Variants in ODR4 observed in about 807,000 individuals in gnomAD.
The protein encoded by ODR4 is protein odr-4 homolog.
A neutral mutation model predicts 60.2 loss-of-function variants in ODR4; 47 were observed. The observed-to-expected ratio is 0.78, with a 90% confidence interval of 0.62 to 1.00. The LOEUF (loss-of-function observed/expected upper bound fraction) is 1.00. Ranked by LOEUF, ODR4 falls within the 50% of genes least tolerant of loss-of-function variation. The probability of loss-of-function intolerance (pLI) is 0.00; values close to 1 mark genes in which losing one functional copy is unlikely to be tolerated. For synonymous variants in ODR4, 178 were observed against 175.5 expected, an observed-to-expected ratio of 1.01 and a Z score of -0.11; for missense variants, 488 against 530.8, an observed-to-expected ratio of 0.92 and a Z score of 0.79.
At chr1:186,399,804 A>G (rs1164114331) in intron 11 of ODR4, among the ~76,000 whole-genome samples, 5 of 152,022 alleles carry the variant, frequency 3.3e-5, no homozygotes, top group African/African-American at 1.2e-4. Context: ...AACAGACTTC[A>G]TTACGTTTAA....
In ODR4 at chr1:186,383,142, G is replaced by T. The variant is rs770734809; in HGVS notation, c.220G>T (p.Glu74Ter). 6.5e-7 allele frequency: 1 copy of T among 1,549,684 alleles called. No individual in the cohort carries two copies. The highest frequency in any genetic ancestry group is 1.2e-5 in the South Asian group (1 of 83,106). Reference sequence around the variant, plus strand: ...TAACTTGGATGAAGAATGGGCCACAGAACATGCCTGCCAGGTTATCTTATT... The same window carrying T: ...TAACTTGGATGAAGAATGGGCCACATAACATGCCTGCCAGGTTATCTTATT... ...LDNLDEEWAT[E>*]HACQVSRMLP... The change falls in exon 3 of 14, where the codon GAA becomes TAA. Residue 74 changes from glutamate to a stop codon, truncating the protein, a stop_gained. Transcript: ENST00000287859. LOFTEE classifies it high-confidence loss of function.
chr1:186,383,278 A>G, intron 3 of ODR4, 122 bp downstream of exon 3: 1 of 1,112,550 alleles, frequency 9.0e-7, no homozygotes, highest in Non-Finnish European at 1.2e-6. Flanking sequence ...GATGACTGAG[A>G]TTTTTAGTCT....
intron 11 of ODR4, chr1:186,399,314 T>A: frequency 2.3e-6 from 1 of 429,904 alleles, no homozygotes; most frequent in Non-Finnish European, 4.3e-6. Flanking sequence ...CAAGCAGTCC[T>A]CCTACCTCAG....
chr1:186,381,940 A>T (rs933058152), intron 2 of ODR4, among the ~76,000 whole-genome samples: 1 of 152,200 alleles, frequency 6.6e-6, no homozygotes, highest in African/African-American at 2.4e-5. Context: ...GATACTAATG[A>T]TCAGAGTTTC....
chr1:186,389,963 GT>G (rs1660399840), intron 6 of ODR4, among the ~76,000 whole-genome samples: 1 of 151,780 alleles, frequency 6.6e-6, no homozygotes, highest in African/African-American at 2.4e-5. Flanking sequence ...AATTATTTTT[GT>G]TTTTTGTTTT....
chr1:186,394,595 C>T (rs1360947311), intron 9 of ODR4, among the ~76,000 whole-genome samples: 11 of 152,036 alleles, frequency 7.2e-5, no homozygotes, highest in Admixed American at 7.2e-4. Flanking sequence ...TGAAATTATC[C>T]TAAAGAACAG....
chr1:186,391,749 T>G lies in ODR4; in HGVS notation c.669T>G (p.Asn223Lys). 1 of 1,605,132 alleles carries G rather than the reference T, an allele frequency of 6.2e-7. No homozygotes were observed. The highest frequency in any genetic ancestry group is 1.1e-5 in the South Asian group (1 of 88,924). The change falls in exon 8 of 14, where the codon AAT becomes AAG. Residue 223 changes from asparagine (N) to lysine (K), a missense_variant. By Grantham distance (94) the Asn-to-Lys change is moderately conservative. Coordinates refer to ENST00000287859, the MANE Select transcript of ODR4 (RefSeq NM_017847.6). ...TAGAAAATGGTGTTTATTTGATTAA[T>G]GGACAAGTTAAAGATGAAGATTGTG... The part of the protein sequence containing the change: ...KEIENGVYLI[N>K]GQVKDEDCDL...
intron 9 of ODR4, among the ~76,000 whole-genome samples, chr1:186,394,685 C>T (rs1660604536): frequency 6.6e-6 from 1 of 152,148 alleles, no homozygotes; most frequent in Admixed American, 6.5e-5. Context: ...CAGAAATACT[C>T]TCAGGACTTG....
intron 3 of ODR4, among the ~76,000 whole-genome samples, chr1:186,385,433 CACCAAAGCCCTGTCGGAGTTCAGA>C (rs1338839681): frequency 1.5e-4 from 23 of 151,322 alleles, no homozygotes; most frequent in Admixed American, 1.1e-3. Flanking sequence ...GGGAAAACTA[CACCAAAGCCCTGTCGGAGTTCAGA>C]GATGAAAAGA....
At chr1:186,424,934 AT>A (rs1243251161), downstream of ODR4, among the ~76,000 whole-genome samples, 1 of 150,890 alleles carries the variant, frequency 6.6e-6, no homozygotes, top group African/African-American at 2.4e-5. Flanking sequence ...ACCACATTGT[AT>A]TGGTCAAAGT....
intron 11 of ODR4, among the ~76,000 whole-genome samples, chr1:186,402,123 C>T (rs1660981807): frequency 6.6e-6 from 1 of 152,014 alleles, no homozygotes; most frequent in African/African-American, 2.4e-5. Flanking sequence ...GACAAGTTCT[C>T]TGGTTCTGTG....
intron 11 of ODR4, among the ~76,000 whole-genome samples, chr1:186,402,224 T>TTCTTTCTTTCTTTCTTTC (rs1337769035): frequency 1.3e-5 from 2 of 150,194 alleles, no homozygotes; most frequent in Admixed American, 1.3e-4. Context: ...CTTTCTTTCT[T>TTCTTTCTTTCTTTCTTTC]TCTTTCTTTC....
intron 12 of ODR4, among the ~76,000 whole-genome samples, chr1:186,406,620 A>C (rs1419416491): frequency 6.6e-6 from 1 of 152,178 alleles, no homozygotes; most frequent in Non-Finnish European, 1.5e-5. Context: ...TTACTTGGTA[A>C]AGCATCATGT....
chr1:186,384,551 GTC>G (rs1181189634), intron 3 of ODR4, among the ~76,000 whole-genome samples: 1 of 143,268 alleles, frequency 7.0e-6, no homozygotes, highest in African/African-American at 2.8e-5. Context: ...TTTGCTTTTG[GTC>G]TCTCATAAAA....
chr1:186,413,017 G>A (rs1160486454), intron 12 of ODR4, among the ~76,000 whole-genome samples: 4 of 151,970 alleles, frequency 2.6e-5, no homozygotes, highest in Non-Finnish European at 4.4e-5. Context: ...GAGCTCAAAT[G>A]TTCAAATTCA....
chr1:186,407,399 A>T (rs950520675), intron 12 of ODR4, among the ~76,000 whole-genome samples: 2 of 152,134 alleles, frequency 1.3e-5, no homozygotes, highest in Non-Finnish European at 2.9e-5. Context: ...TCTGCCAACG[A>T]AACTTAGGAT....
In ODR4 at chr1:186,398,256, A is replaced by G. The variant is rs912359352; in HGVS notation, c.781-57A>G. The G allele has an allele frequency of 4.4e-5, 63 of 1,433,508 alleles. No individual in the cohort carries two copies. The African/African-American group carries it at 9.0e-4, about 20-fold the overall frequency. The allele number at this position is 1,433,508 out of a possible 1,614,324, so 88.8% of individuals were successfully genotyped here. ...AAAATCGCTAATATAATGTTTAAAT[A>G]TTTCCTGTAGTTAATCATTGTTGGT... is the stretch of plus-strand genomic sequence containing the variant. On this transcript the variant is annotated intron_variant, in intron 9 of 13. Transcript: ENST00000287859.
intron 4 of ODR4, 41 bp from the exon 5 acceptor site, chr1:186,388,401 T>G (rs1558066475): frequency 8.4e-7 from 1 of 1,193,768 alleles, no homozygotes; most frequent in Non-Finnish European, 1.2e-6. Context: ...TCTTTTTTTT[T>G]CATTTTACAT....
intron 11 of ODR4, among the ~76,000 whole-genome samples, chr1:186,399,731 C>T (rs1660847589): frequency 6.6e-6 from 1 of 151,960 alleles, no homozygotes; most frequent in Admixed American, 6.6e-5. Context: ...TATATAATAG[C>T]TCCTTTAGTA....
Sources: gnomAD v4.1 joint callset for allele counts (sites outside exome capture counted in the v4.1 genomes callset) on GRCh38, gnomAD v4.1.1 for gene constraint, MANE v1.5 for transcripts, NCBI Gene and HGNC (gene_info 2026-07-23, HGNC 2026-07-21) for gene names.